The following ATP10D variants were observed in gnomAD, a reference collection of about 807,000 sequenced individuals.
ATP10D encodes the protein ATPase phospholipid transporting 10D (putative).
In ATP10D, 89 loss-of-function variants were observed where a neutral mutation model predicts 144.8. The observed-to-expected ratio is 0.61, with a 90% CI of 0.52 to 0.73. The LOEUF (loss-of-function observed/expected upper bound fraction) is 0.73, where lower values mean the gene tolerates loss of function less well. Ranked by LOEUF, ATP10D falls within the 30% of genes least tolerant of loss-of-function variation. The probability of loss-of-function intolerance (pLI) is 0.00; values close to 1 mark genes in which losing one functional copy is unlikely to be tolerated. For missense variants in ATP10D, 1,603 were observed against 1,714.8 expected, an observed-to-expected ratio of 0.93 and a Z score of 1.15; for synonymous variants, 571 against 615.1, an observed-to-expected ratio of 0.93 and a Z score of 1.06.
At chr4:47,539,009 A>T (rs1717994196) in intron 9 of ATP10D, among the ~76,000 whole-genome samples, 1 of 152,176 alleles carries the variant, frequency 6.6e-6, no homozygotes. Context: ...CACACAGCAT[A>T]ATTTAATCAT....
intron 19 of ATP10D, among the ~76,000 whole-genome samples, chr4:47,579,090 GCA>G (rs766823727): frequency 3.3e-5 from 5 of 152,260 alleles, no homozygotes; most frequent in African/African-American, 7.2e-5. Flanking sequence ...ATAAGTGATA[GCA>G]CTCTTTCCTG....
intron 1 of ATP10D, among the ~76,000 whole-genome samples, chr4:47,504,699 A>T (rs937794740): frequency 6.6e-6 from 1 of 152,142 alleles, no homozygotes; most frequent in Non-Finnish European, 1.5e-5. Context: ...AGTAGCTGGG[A>T]CTACAGGCGC....
chr4:47,567,330 G>C (rs780896194), intron 15 of ATP10D, among the ~76,000 whole-genome samples: 3 of 152,130 alleles, frequency 2.0e-5, no homozygotes, highest in Non-Finnish European at 4.4e-5. Flanking sequence ...TAGTTAATTT[G>C]TAAAACCTAA....
intron 1 of ATP10D, among the ~76,000 whole-genome samples, chr4:47,505,601 C>T (rs1055257074): frequency 2.6e-5 from 4 of 151,930 alleles, no homozygotes; most frequent in Admixed American, 1.3e-4. Context: ...CTGGGCATGG[C>T]GATGCATGCC....
At chr4:47,558,482 G>C (rs1267631858) in intron 12 of ATP10D, among the ~76,000 whole-genome samples, 1 of 152,190 alleles carries the variant, frequency 6.6e-6, no homozygotes, top group Non-Finnish European at 1.5e-5. Context: ...TCCATCATTA[G>C]GTGGGTCTTG....
rs1721123278 is a variant in ATP10D at position 47,593,320 on chromosome 4, A to C, written c.*1939A>C. On this transcript the variant is annotated 3_prime_UTR_variant, in exon 23 of 23. Transcript: ENST00000273859. The stretch of plus-strand genomic sequence containing the variant: ...AAATATTTTTCATAAATTAGGCGTA[A>C]ATTCTATGCCCTGAACAAATGTAAA... The C allele has an allele frequency of 6.6e-6, 1 of 152,092 alleles. No homozygotes were observed. The highest frequency in any genetic ancestry group is 2.1e-4 in the South Asian group (1 of 4,834). 9.4% of individuals were successfully genotyped at this position (152,092 alleles called of 1,614,324 possible). A position where few individuals can be genotyped will look rare whatever the true frequency, so the allele number is the denominator to read the frequency against.
intron 14 of ATP10D, 30 bp downstream of exon 14, chr4:47,561,105 T>G: frequency 1.9e-6 from 3 of 1,612,804 alleles, no homozygotes; most frequent in Non-Finnish European, 1.7e-6. Flanking sequence ...ATTGCCTGAA[T>G]GGAGGATTTT....
At position 47,523,201 on chromosome 4, in the gene ATP10D, G is replaced by A. The variant is rs781383550; in HGVS notation, c.675G>A (p.Arg225=). The change falls in exon 4 of 23, where the codon CGG becomes CGA. Residue 225 remains arginine, a synonymous_variant. Transcript: ENST00000273859. ...ATTTAAAACAGAGGCAGGTGGTTCGGGGATATGCAGAACAGGTAAGTCATA... is the reference window on the plus strand; with the variant it reads ...ATTTAAAACAGAGGCAGGTGGTTCGAGGATATGCAGAACAGGTAAGTCATA... ...ESNLKQRQVV[R]GYAEQDSEVD... 14 of 1,613,734 alleles carry A rather than the reference G, an allele frequency of 8.7e-6. No homozygotes were observed. The East Asian group carries it at 1.6e-4, about 18-fold the overall frequency.
In ATP10D at chr4:47,542,676, G is replaced by A. The variant is rs540085990; in HGVS notation, c.1397-3948G>A. Among the ~76,000 whole-genome samples, 284 of 151,736 alleles carry A rather than the reference G, an allele frequency of 1.9e-3. 1 individual carries two copies. Among genetic ancestry groups the A allele is most frequent in the Non-Finnish European group, 3.0e-3 (207 of 67,908 alleles). On this transcript the variant is annotated intron_variant, in intron 9 of 22. Coordinates refer to ENST00000273859, the MANE Select transcript of ATP10D (RefSeq NM_020453.4). ...GTATTTTTAGTAGAGATGGGGTTTC[G>A]CCATGTTGGCCAGGCTGGTCTCAAA...
intron 5 of ATP10D, among the ~76,000 whole-genome samples, chr4:47,531,198 G>A (rs1267552791): frequency 6.6e-6 from 1 of 152,162 alleles, no homozygotes; most frequent in African/African-American, 2.4e-5. Flanking sequence ...TTATTGGTCT[G>A]TTCAGGATTC....
rs193002730 is a variant in ATP10D, at chr4:47,503,401, A to C, written c.-37-9103A>C. ...AGTAAATTGAAAATGAATGAACTTA[A>C]TTTAAGCACTCTTTTCTAAAGATAT... On this transcript the variant is annotated intron_variant, in intron 1 of 22. Coordinates refer to ENST00000273859, the MANE Select transcript of ATP10D (RefSeq NM_020453.4). 3.2e-3 allele frequency among the ~76,000 whole-genome samples: 494 copies of C among 152,224 alleles called. 2 individuals are homozygous for C. The highest frequency in any genetic ancestry group is 6.1e-3 in the Admixed American group (94 of 15,292).
chr4:47,504,585 T>C lies in ATP10D; in HGVS notation c.-37-7919T>C, dbSNP rs572598091. Reference sequence around the variant, plus strand: ...GAGACTTTTTTTTTTCTTTTTGAGATGGAGTCTCACTCTGTGGCCCAGGCT... The same window carrying C: ...GAGACTTTTTTTTTTCTTTTTGAGACGGAGTCTCACTCTGTGGCCCAGGCT... On this transcript the variant is annotated intron_variant, in intron 1 of 22. Coordinates refer to ENST00000273859, the MANE Select transcript of ATP10D (RefSeq NM_020453.4). 3.3e-5 allele frequency among the ~76,000 whole-genome samples: 5 copies of C among 152,056 alleles called. No individual in the cohort carries two copies. In the East Asian group the frequency reaches 9.7e-4, roughly 30 times the overall value.
intron 1 of ATP10D, among the ~76,000 whole-genome samples, chr4:47,498,118 G>A (rs1715492596): frequency 6.6e-6 from 1 of 152,106 alleles, no homozygotes; most frequent in African/African-American, 2.4e-5. Flanking sequence ...GAAAACTGAG[G>A]GTCATAAGAA....
At chr4:47,542,402 C>T (rs1718183601) in intron 9 of ATP10D, among the ~76,000 whole-genome samples, 1 of 151,804 alleles carries the variant, frequency 6.6e-6, no homozygotes, top group Non-Finnish European at 1.5e-5. Flanking sequence ...TGGCTTCACA[C>T]CTAATTTTTA....
rs1058793 is a variant in ATP10D, at chr4:47,582,029, G to A, written c.3718G>A (p.Val1240Ile). Residue 1240 changes from valine to isoleucine, a missense_variant, in exon 21 of 23, where the codon GTT (valine) becomes ATT (isoleucine). By Grantham distance (29) the Val-to-Ile change is conservative. Transcript: ENST00000273859. ...NPLNTAALFI[V>I]LLHLVIESKS... ...CCTGAACACAGCCGCTCTGTTCATC[G>A]TTCTCCTCCATCTGGTCATTGAAAG... 300,062 of 1,613,098 alleles carry A rather than the reference G, an allele frequency of 0.19. 33,193 individuals are homozygous for A. Among genetic ancestry groups the A allele is most frequent in the East Asian group, 0.59 (26,324 of 44,842 alleles).
At chr4:47,507,288 T>G (rs1159055098) in intron 1 of ATP10D, among the ~76,000 whole-genome samples, 1 of 152,180 alleles carries the variant, frequency 6.6e-6, no homozygotes, top group Non-Finnish European at 1.5e-5. Context: ...TATTAACTCA[T>G]TGAATCCTCA....
intron 1 of ATP10D, among the ~76,000 whole-genome samples, chr4:47,494,894 A>G (rs6447560): frequency 0.98 from 149,813 of 152,342 alleles, 73,716 homozygotes; most frequent in Non-Finnish European, 1. Flanking sequence ...TTTAAATTCT[A>G]TTTTCACAAC....
At chr4:47,575,309 C>T (rs1720171024) in intron 18 of ATP10D, among the ~76,000 whole-genome samples, 1 of 152,134 alleles carries the variant, frequency 6.6e-6, no homozygotes, top group South Asian at 2.1e-4. Flanking sequence ...GGCCTGCCCT[C>T]CTTGGGAGCA....
chr4:47,584,361 G>GT (rs994783401), intron 21 of ATP10D, among the ~76,000 whole-genome samples: 12 of 151,636 alleles, frequency 7.9e-5, no homozygotes, highest in South Asian at 4.2e-4. Flanking sequence ...CCAAAGGCAT[G>GT]TTTTTTTTGT....
Sources: gnomAD v4.1 joint callset for allele counts (sites outside exome capture counted in the v4.1 genomes callset) on GRCh38, gnomAD v4.1.1 for gene constraint, MANE v1.5 for transcripts, NCBI Gene and HGNC (gene_info 2026-07-23, HGNC 2026-07-21) for gene names.